NAALADL2: variants seen among roughly 807,000 people sequenced by gnomAD.
NAALADL2 encodes the protein N-acetylated alpha-linked acidic dipeptidase like 2.
In NAALADL2, 76 loss-of-function variants were observed where a neutral mutation model predicts 87.2. The ratio of observed to expected loss-of-function variants is 0.87; its 90% CI spans 0.72 to 1.05. The LOEUF (loss-of-function observed/expected upper bound fraction) is 1.05. Ranked by LOEUF, NAALADL2 falls within the 50% of genes least tolerant of loss-of-function variation. The pLI, the probability that NAALADL2 is intolerant of heterozygous loss-of-function variation, is 0.00. For synonymous variants in NAALADL2, 354 were observed against 331.0 expected, an observed-to-expected ratio of 1.07 and a Z score of -0.75; for missense variants, 1,089 against 945.8, an observed-to-expected ratio of 1.15 and a Z score of -1.99.
At chr3:175,507,515 C>T (rs1211238605) in intron 9 of NAALADL2, among the ~76,000 whole-genome samples, 1 of 150,500 alleles carries the variant, frequency 6.6e-6, no homozygotes, top group Non-Finnish European at 1.5e-5. Flanking sequence ...CCCCGCCTCC[C>T]AGGTTCAAGT....
intron 2 of NAALADL2, among the ~76,000 whole-genome samples, chr3:175,169,069 G>C (rs940185849): frequency 3.3e-5 from 5 of 151,740 alleles, no homozygotes; most frequent in African/African-American, 1.2e-4. Flanking sequence ...GAATGTGTAG[G>C]AGTCAAGCTG....
At chr3:175,178,315 T>C (rs1389341973) in intron 2 of NAALADL2, among the ~76,000 whole-genome samples, 1 of 152,066 alleles carries the variant, frequency 6.6e-6, no homozygotes, top group South Asian at 2.1e-4. Flanking sequence ...TAATTTTGAA[T>C]CATCATTTCT....
At chr3:175,486,432 G>A (rs1327148367) in intron 9 of NAALADL2, among the ~76,000 whole-genome samples, 1 of 152,104 alleles carries the variant, frequency 6.6e-6, no homozygotes, top group African/African-American at 2.4e-5. Flanking sequence ...CTCAAAGGAC[G>A]TTTGTTACCC....
At chr3:175,284,232 G>A (rs1320691529) in intron 4 of NAALADL2, among the ~76,000 whole-genome samples, 2 of 148,302 alleles carry the variant, frequency 1.3e-5, no homozygotes, top group Non-Finnish European at 3.0e-5. Flanking sequence ...TTGTGCTGGT[G>A]TGCATATGTG....
At chr3:175,362,748 G>GAATCGCCACACTGTTTTCCAT (rs35385731) in intron 5 of NAALADL2, among the ~76,000 whole-genome samples, 2 of 147,956 alleles carry the variant, frequency 1.4e-5, no homozygotes, top group Non-Finnish European at 3.0e-5. Flanking sequence ...GTTCTTTAAG[G>GAATCGCCACACTGTTTTCCAT]AATCGCCACA....
chr3:175,201,782 G>T (rs1463920513), intron 2 of NAALADL2, among the ~76,000 whole-genome samples: 2 of 142,658 alleles, frequency 1.4e-5, no homozygotes, highest in Non-Finnish European at 3.1e-5. Context: ...TCAATTGAGG[G>T]TACTTATTTG....
intron 2 of NAALADL2, among the ~76,000 whole-genome samples, chr3:174,574,980 T>C (rs547814192): frequency 6.6e-6 from 1 of 152,260 alleles, no homozygotes; most frequent in African/African-American, 2.4e-5. Context: ...ATAAACATTT[T>C]TATACAAGAC....
chr3:174,681,391 C>A (rs1336413422), intron 2 of NAALADL2, among the ~76,000 whole-genome samples: 1 of 152,104 alleles, frequency 6.6e-6, no homozygotes, highest in Non-Finnish European at 1.5e-5. Context: ...ACTAACTCAC[C>A]CCCAACCCAA....
In NAALADL2 at chr3:175,320,510, A is replaced by G. The variant is rs567036568; in HGVS notation, c.940-3665A>G. Reference sequence around the variant, plus strand: ...CTGGTACCTCCAGGCAGAGACCAAGATGACTAGTATACTGGGGTCTGTCAG... The same window carrying G: ...CTGGTACCTCCAGGCAGAGACCAAGGTGACTAGTATACTGGGGTCTGTCAG... On this transcript the variant is annotated intron_variant, in intron 4 of 13. Transcript: ENST00000454872. Among the ~76,000 whole-genome samples the G allele has an allele frequency of 2.3e-3, 344 of 152,292 alleles. 1 individual carries two copies. Among genetic ancestry groups the G allele is most frequent in the Middle Eastern group, 6.8e-3 (2 of 294 alleles).
At position 175,641,773 on chromosome 3, in the gene NAALADL2, G is replaced by C. The variant is rs149538813; in HGVS notation, c.1896+14387G>C. ...TTTTCCTACTTACAGCTATTTTGTA[G>C]ATTATTAAAAATTACAAATTAAGTA... On this transcript the variant is annotated intron_variant, in intron 11 of 13. Transcript: ENST00000454872. Among the ~76,000 whole-genome samples the C allele has an allele frequency of 7.9e-4, 120 of 152,070 alleles. 6 individuals are homozygous for C. The East Asian group carries it at 0.021, about 27-fold the overall frequency.
intron 5 of NAALADL2, among the ~76,000 whole-genome samples, chr3:175,333,535 G>T (rs139559543): frequency 2.1e-3 from 319 of 152,264 alleles, no homozygotes; most frequent in Non-Finnish European, 3.9e-3. Flanking sequence ...GGTGGAACTG[G>T]AGGTCAATAT....
chr3:175,669,287 C>G (rs1733616645), intron 11 of NAALADL2, among the ~76,000 whole-genome samples: 1 of 151,972 alleles, frequency 6.6e-6, no homozygotes, highest in Non-Finnish European at 1.5e-5. Flanking sequence ...CTATTTTAAA[C>G]AAAATACTGT....
At chr3:174,914,923 C>A (rs928477689) in intron 1 of NAALADL2, among the ~76,000 whole-genome samples, 1 of 152,014 alleles carries the variant, frequency 6.6e-6, no homozygotes, top group African/African-American at 2.4e-5. Context: ...TTTTTGGATG[C>A]TTTAGTGTAC....
chr3:175,799,713 T>C (rs73171473), intron 13 of NAALADL2, among the ~76,000 whole-genome samples: 1,646 of 152,312 alleles, frequency 0.011, 18 homozygotes, highest in South Asian at 0.028. Context: ...TTTCAATAAG[T>C]ATTTCACTAA....
At chr3:175,182,105 G>A (rs1736645895) in intron 2 of NAALADL2, among the ~76,000 whole-genome samples, 1 of 151,856 alleles carries the variant, frequency 6.6e-6, no homozygotes. Context: ...GTCATGAGGG[G>A]ATATCTCATT....
intron 10 of NAALADL2, among the ~76,000 whole-genome samples, chr3:175,598,761 A>C (rs956159065): frequency 1.3e-5 from 2 of 152,052 alleles, no homozygotes; most frequent in Non-Finnish European, 1.5e-5. Flanking sequence ...TTTCTTTCCC[A>C]CTGTTTCAGG....
intron 3 of NAALADL2, among the ~76,000 whole-genome samples, chr3:174,820,270 G>A (rs1054995719): frequency 1.1e-4 from 16 of 152,122 alleles, no homozygotes; most frequent in African/African-American, 3.9e-4. Flanking sequence ...AATAGAATTA[G>A]TTGATCAAAA....
intron 4 of NAALADL2, among the ~76,000 whole-genome samples, chr3:175,288,313 C>T (rs1755233532): frequency 6.6e-6 from 1 of 152,172 alleles, no homozygotes; most frequent in African/African-American, 2.4e-5. Flanking sequence ...AAAAGGCCCA[C>T]ACACATTAAT....
chr3:175,645,013 T>C (rs1048496888), intron 11 of NAALADL2, among the ~76,000 whole-genome samples: 1 of 152,136 alleles, frequency 6.6e-6, no homozygotes, highest in Non-Finnish European at 1.5e-5. Context: ...TTATAAGTCA[T>C]CCATTAAACA....
Sources: gnomAD v4.1 joint callset for allele counts (sites outside exome capture counted in the v4.1 genomes callset) on GRCh38, gnomAD v4.1.1 for gene constraint, MANE v1.5 for transcripts, NCBI Gene and HGNC (gene_info 2026-07-23, HGNC 2026-07-21) for gene names.